The following MAGI2 variants were observed in gnomAD, a reference collection of about 807,000 sequenced individuals.
The protein encoded by MAGI2 is membrane associated guanylate kinase, WW and PDZ domain containing 2.
MAGI2 carries 35 observed loss-of-function variants against 133.3 expected under a neutral mutation model. The ratio of observed to expected loss-of-function variants is 0.26; its 90% CI spans 0.20 to 0.35. The LOEUF (loss-of-function observed/expected upper bound fraction) is 0.35. Among genes scored for constraint, MAGI2 ranks in the 10% least tolerant of loss-of-function variants. The pLI is 1.00. For synonymous variants in MAGI2, 729 were observed against 710.6 expected (o/e 1.03, Z -0.41); for missense variants, 1,636 against 1,863.4 (o/e 0.88, Z 2.25).
intron 1 of MAGI2, among the ~76,000 whole-genome samples, chr7:79,072,753 C>T (rs571618500): frequency 6.6e-6 from 1 of 152,268 alleles, no homozygotes; most frequent in African/African-American, 2.4e-5. Flanking sequence ...AAATATTCGG[C>T]ATAGCAGCAA....
At chr7:78,603,683 G>A (rs1805459545) in intron 3 of MAGI2, among the ~76,000 whole-genome samples, 1 of 152,060 alleles carries the variant, frequency 6.6e-6, no homozygotes, top group South Asian at 2.1e-4. Context: ...CACCACACCA[G>A]GCTAATTTTT....
intron 9 of MAGI2, among the ~76,000 whole-genome samples, chr7:78,266,179 C>T (rs150446495): frequency 6.6e-6 from 1 of 152,280 alleles, no homozygotes. Context: ...GGCACGTACA[C>T]ACACTTTTAA....
At chr7:78,885,445 C>T (rs1223646791) in intron 2 of MAGI2, among the ~76,000 whole-genome samples, 1 of 152,164 alleles carries the variant, frequency 6.6e-6, no homozygotes, top group Non-Finnish European at 1.5e-5. Context: ...GTGTCTTACA[C>T]TATCCTGAGG....
intron 21 of MAGI2, among the ~76,000 whole-genome samples, chr7:78,049,269 C>T (rs1297054819): frequency 6.6e-6 from 1 of 152,090 alleles, no homozygotes; most frequent in Non-Finnish European, 1.5e-5. Context: ...ACCACATTAC[C>T]AGTCTCATTA....
chr7:78,156,594 T>G (rs534503378), intron 16 of MAGI2, among the ~76,000 whole-genome samples: 9 of 151,958 alleles, frequency 5.9e-5, no homozygotes, highest in African/African-American at 1.7e-4. Flanking sequence ...TATTAAAGTG[T>G]TCTTTTCTTC....
chr7:78,971,085 C>T (rs1233662679), intron 2 of MAGI2, among the ~76,000 whole-genome samples: 1 of 151,994 alleles, frequency 6.6e-6, no homozygotes, highest in Non-Finnish European at 1.5e-5. Flanking sequence ...AATAAGCAAT[C>T]CAGACAAACT....
chr7:79,179,338 G>A (rs538264465), intron 1 of MAGI2, among the ~76,000 whole-genome samples: 1 of 151,842 alleles, frequency 6.6e-6, no homozygotes, highest in African/African-American at 2.4e-5. Flanking sequence ...TCAAGATGTA[G>A]AATGATTACT....
chr7:78,444,769 ATGTG>A (rs1787966818), intron 6 of MAGI2, among the ~76,000 whole-genome samples: 4 of 112,202 alleles, frequency 3.6e-5, no homozygotes, highest in African/African-American at 1.2e-4. Context: ...GTGTTTGTGT[ATGTG>A]TATATACTGT....
intron 1 of MAGI2, among the ~76,000 whole-genome samples, chr7:79,015,342 T>C (rs1458907529): frequency 1.3e-5 from 1 of 79,124 alleles, no homozygotes; most frequent in Admixed American, 1.0e-4. Flanking sequence ...AGTCCTCTAA[T>C]ATTTTTTTTC....
intron 1 of MAGI2, among the ~76,000 whole-genome samples, chr7:79,105,480 C>A (rs1818370859): frequency 6.6e-6 from 1 of 152,112 alleles, no homozygotes; most frequent in Non-Finnish European, 1.5e-5. Context: ...CTAATGAGAA[C>A]AAATTCACAT....
chr7:78,223,602 C>G (rs1183309648), intron 10 of MAGI2, among the ~76,000 whole-genome samples: 1 of 152,032 alleles, frequency 6.6e-6, no homozygotes. Context: ...TATTAATATA[C>G]TAAATAATCA....
chr7:79,451,721 T>A (rs948105088), intron 1 of MAGI2, among the ~76,000 whole-genome samples: 3 of 152,214 alleles, frequency 2.0e-5, no homozygotes, highest in Admixed American at 2.0e-4. Flanking sequence ...TAGTTGATCA[T>A]GATTAAGCGG....
chr7:78,277,143 TA>T (rs1795133619), intron 9 of MAGI2, among the ~76,000 whole-genome samples: 1 of 152,200 alleles, frequency 6.6e-6, no homozygotes, highest in South Asian at 2.1e-4. Context: ...TTTAATGTTT[TA>T]GTACCCATTT....
rs149789086 is a variant in MAGI2 at position 78,163,565 on chromosome 7, G to T, written c.2597-3292C>A. On this transcript the variant is annotated intron_variant, in intron 15 of 21. Transcript: ENST00000354212. Reference sequence around the variant, plus strand: ...GTGACAATGCCTGCCAGGTAAGATGGTGTAGACCAGTACATTTAACTATTG... The same window carrying T: ...GTGACAATGCCTGCCAGGTAAGATGTTGTAGACCAGTACATTTAACTATTG... Among the ~76,000 whole-genome samples the T allele has an allele frequency of 6.7e-3, 1,025 of 152,272 alleles. 7 individuals are homozygous for T. Among genetic ancestry groups the T allele is most frequent in the Non-Finnish European group, 0.011 (761 of 68,022 alleles).
intron 1 of MAGI2, among the ~76,000 whole-genome samples, chr7:79,047,846 C>A (rs1812318579): frequency 6.6e-6 from 1 of 152,052 alleles, no homozygotes; most frequent in East Asian, 1.9e-4. Flanking sequence ...ATTGTTTATT[C>A]TTCACTAGAA....
chr7:78,718,317 T>C (rs1585182137), intron 2 of MAGI2, among the ~76,000 whole-genome samples: 1 of 152,202 alleles, frequency 6.6e-6, no homozygotes, highest in Non-Finnish European at 1.5e-5. Context: ...CTCAGCACTT[T>C]GTCCTCTAGA....
chr7:78,694,857 C>T (rs1478329739), intron 2 of MAGI2, among the ~76,000 whole-genome samples: 1 of 152,120 alleles, frequency 6.6e-6, no homozygotes, highest in Non-Finnish European at 1.5e-5. Flanking sequence ...AGGAAGTGCT[C>T]AATAACCATA....
intron 20 of MAGI2, among the ~76,000 whole-genome samples, chr7:78,121,019 A>AAAT (rs1820414803): frequency 1.3e-5 from 2 of 150,730 alleles, no homozygotes; most frequent in African/African-American, 4.9e-5. Context: ...AAAAAAAAAA[A>AAAT]AATAATGATG....
intron 1 of MAGI2, among the ~76,000 whole-genome samples, chr7:79,091,181 T>A (rs1584907288): frequency 2.0e-5 from 3 of 152,124 alleles, no homozygotes; most frequent in Non-Finnish European, 4.4e-5. Context: ...TTTTCAGTGT[T>A]GATTACGTTG....
Sources: allele counts gnomAD v4.1 joint callset (sites outside exome capture counted in the v4.1 genomes callset), GRCh38; gene constraint gnomAD v4.1.1; transcripts MANE v1.5; gene names NCBI Gene and HGNC (gene_info 2026-07-23, HGNC 2026-07-21).